ATXN2: variants seen among roughly 807,000 people sequenced by gnomAD.
ATXN2 encodes the protein ataxin-2.
Under a neutral mutation model 138.6 loss-of-function variants are expected in ATXN2, and 37 were observed. The ratio of observed to expected loss-of-function variants is 0.27; its 90% CI spans 0.21 to 0.35. The LOEUF (loss-of-function observed/expected upper bound fraction) is 0.35, where lower values mean the gene tolerates loss of function less well. ATXN2 is among the 10% of genes least tolerant of loss of function. The pLI is 1.00. For synonymous variants in ATXN2, 549 were observed against 543.7 expected (o/e 1.01, Z -0.13); for missense variants, 1,216 against 1,480.3 (o/e 0.82, Z 2.93).
At chr12:111,589,846 G>A (rs2135847425) in intron 1 of ATXN2, among the ~76,000 whole-genome samples, 1 of 152,128 alleles carries the variant, frequency 6.6e-6, no homozygotes, top group Non-Finnish European at 1.5e-5. Flanking sequence ...TTGGGCCTGA[G>A]AACTCGAGGT....
At position 111,464,335 on chromosome 12, in the gene ATXN2, T is replaced by TTGTGTG. The variant is rs375641693; in HGVS notation, c.2896+321_2896+326dup. 5.7e-3 allele frequency among the ~76,000 whole-genome samples: 598 copies of TTGTGTG among 105,826 alleles called. 3 individuals carry two copies. The highest frequency in any genetic ancestry group is 0.031 in the South Asian group (115 of 3,694). 69.4% of individuals were successfully genotyped at this position (105,826 alleles called of 152,430 possible). A position where few individuals can be genotyped will look rare whatever the true frequency, so the allele number is the denominator to read the frequency against. On this transcript the variant is annotated intron_variant, in intron 21 of 24. Transcript: ENST00000673436. ...AAGCTTGTGGCTTGGGTGTGTGTGT[T>TTGTGTG]TGTGTGTGTGTGTGTGTGTGTGTGT... is the stretch of plus-strand genomic sequence containing the variant.
At chr12:111,508,736 C>T (rs1298139951) in intron 14 of ATXN2, among the ~76,000 whole-genome samples, 2 of 152,066 alleles carry the variant, frequency 1.3e-5, no homozygotes, top group Admixed American at 6.6e-5. Context: ...TGTGAGCCAC[C>T]GTGCCCGCCA....
In ATXN2 at chr12:111,516,268, G is replaced by T; in HGVS notation, c.1261C>A (p.Pro421Thr). The T allele has an allele frequency of 6.3e-7, 1 of 1,574,888 alleles. No individual in the cohort carries two copies. The highest frequency in any genetic ancestry group is 2.0e-5 in the Admixed American group (1 of 50,038). The change falls in exon 10 of 25, where the codon CCT (proline) becomes ACT (threonine). Residue 421 changes from proline to threonine, a missense_variant. This residue lies in a region of ATXN2 where 401 missense variants were observed against 528.1 expected (regional missense o/e 0.76). Coordinates refer to ENST00000673436, the MANE Select transcript of ATXN2 (RefSeq NM_001372574.1). This position sits in a 1 kb window ranked among gnomAD's most constrained non-coding sequence, Gnocchi z 5.0. ...PNSLPPRAAT[P>T]TRPPSRPPSR... Reference sequence around the variant, plus strand: ...GGGGGCCTGGAGGGCGGCCGTGTAGGGGTGGCTGCCCGAGGTGGAAGAGAG... The same window carrying T: ...GGGGGCCTGGAGGGCGGCCGTGTAGTGGTGGCTGCCCGAGGTGGAAGAGAG...
At chr12:111,595,794 TCCTGC>T (rs1472561217) in intron 1 of ATXN2, among the ~76,000 whole-genome samples, 1 of 152,134 alleles carries the variant, frequency 6.6e-6, no homozygotes, top group Admixed American at 6.6e-5. Context: ...AGTGGCTCAT[TCCTGC>T]CTGTAATCCT....
intron 1 of ATXN2, among the ~76,000 whole-genome samples, chr12:111,560,059 T>C (rs968400882): frequency 6.6e-6 from 1 of 151,896 alleles, no homozygotes. Flanking sequence ...TGGAACAAAT[T>C]TCAAACACTG....
intron 1 of ATXN2, among the ~76,000 whole-genome samples, chr12:111,587,005 CAGG>C (rs942776473): frequency 6.9e-6 from 1 of 145,156 alleles, no homozygotes; most frequent in African/African-American, 2.5e-5. Flanking sequence ...GAGGCTAAAG[CAGG>C]AGGACAGTTT....
intron 3 of ATXN2, 102 bp downstream of exon 3, chr12:111,554,056 T>C: frequency 2.6e-6 from 2 of 772,132 alleles, no homozygotes; most frequent in South Asian, 1.8e-5. Context: ...AAACATGATC[T>C]AAGCAATGTT....
At chr12:111,486,114 G>T (rs1225372169) in intron 16 of ATXN2, among the ~76,000 whole-genome samples, 1 of 152,080 alleles carries the variant, frequency 6.6e-6, no homozygotes, top group African/African-American at 2.4e-5. Flanking sequence ...ACTGATGGAA[G>T]TGTTTTTAAA....
intron 5 of ATXN2, among the ~76,000 whole-genome samples, chr12:111,530,172 G>A (rs1880736098): frequency 6.6e-6 from 1 of 152,032 alleles, no homozygotes; most frequent in African/African-American, 2.4e-5. Context: ...GGTATCAGTG[G>A]GACTATTTAG....
intron 1 of ATXN2, among the ~76,000 whole-genome samples, chr12:111,562,332 G>A (rs1489279317): frequency 6.6e-6 from 1 of 152,012 alleles, no homozygotes; most frequent in Non-Finnish European, 1.5e-5. Context: ...ACAGATGGGA[G>A]GTTCACTTGA....
At chr12:111,562,013 A>AT (rs1882716573) in intron 1 of ATXN2, among the ~76,000 whole-genome samples, 1 of 151,708 alleles carries the variant, frequency 6.6e-6, no homozygotes, top group Non-Finnish European at 1.5e-5. Context: ...GGGTTTCACC[A>AT]TGTTAGCCAG....
chr12:111,452,703 A>T lies in ATXN2; in HGVS notation c.*109T>A. 8.1e-7 allele frequency: 1 copy of T among 1,232,322 alleles called. No homozygotes were observed. Among genetic ancestry groups the T allele is most frequent in the Non-Finnish European group, 1.2e-6 (1 of 838,230 alleles). 76.3% of individuals were successfully genotyped at this position (1,232,322 alleles called of 1,614,324 possible). On this transcript the variant is annotated 3_prime_UTR_variant, in exon 25 of 25. Coordinates refer to ENST00000673436, the MANE Select transcript of ATXN2 (RefSeq NM_001372574.1). ...ATTGGATGTTACAAGAAATCAACATATATATTTTAAAAACAAAATAAATGA... is the reference window on the plus strand; with the variant it reads ...ATTGGATGTTACAAGAAATCAACATTTATATTTTAAAAACAAAATAAATGA...
At position 111,516,347 on chromosome 12, in the gene ATXN2, C is replaced by T. The variant is rs757022978; in HGVS notation, c.1182G>A (p.Ser394=). 1.5e-5 allele frequency: 24 copies of T among 1,576,794 alleles called. No homozygotes were observed. Among genetic ancestry groups the T allele is most frequent in the Non-Finnish European group, 1.4e-5 (16 of 1,164,186 alleles). Residue 394 remains serine, a synonymous_variant, in exon 10 of 25, where the codon TCG becomes TCA. Transcript: ENST00000673436. The surrounding 1 kb of genome is among the most constrained non-coding windows in gnomAD (Gnocchi z 5.0). ...GGCGAGAGGAAGGAGATGGGCAAGGCGATGGCCAGGGAACACCTGACAGAA... is the reference window on the plus strand; with the variant it reads ...GGCGAGAGGAAGGAGATGGGCAAGGTGATGGCCAGGGAACACCTGACAGAA... ...RVVNGGVPWP[S]PCPSPSSRPP...
intron 1 of ATXN2, among the ~76,000 whole-genome samples, chr12:111,573,576 A>G (rs2135816979): frequency 6.6e-6 from 1 of 152,318 alleles, no homozygotes; most frequent in Middle Eastern, 3.4e-3. Flanking sequence ...AAAGACTTTG[A>G]AATCTCACAA....
rs1884427607 is a variant in ATXN2 at position 111,587,938 on chromosome 12, A to C, written c.251+10846T>G. 3.3e-5 allele frequency among the ~76,000 whole-genome samples: 5 copies of C among 152,146 alleles called. No homozygotes were observed. In the South Asian group the frequency reaches 8.3e-4, roughly 25 times the overall value. On this transcript the variant is annotated intron_variant, in intron 1 of 24. Coordinates refer to ENST00000673436, the MANE Select transcript of ATXN2 (RefSeq NM_001372574.1). ...CTGGACACAGTGGCTCACACCTGTA[A>C]CACCAGCATGTTAGGAGGCCTAAGT...
At chr12:111,469,902 AG>A (rs1876282559) in intron 20 of ATXN2, 1 of 523,614 alleles carries the variant, frequency 1.9e-6, no homozygotes, top group Non-Finnish European at 3.3e-6. Context: ...AGCAGGAAAG[AG>A]ATCTGAAGAC....
At chr12:111,477,756 CTTTT>C (rs78144501) in intron 18 of ATXN2, among the ~76,000 whole-genome samples, 1 of 151,680 alleles carries the variant, frequency 6.6e-6, no homozygotes, top group Non-Finnish European at 1.5e-5. Flanking sequence ...AGAAACATGA[CTTTT>C]TTTTCTTTTT....
intron 23 of ATXN2, chr12:111,455,013 C>T: frequency 1.4e-6 from 1 of 702,726 alleles, no homozygotes; most frequent in African/African-American, 1.7e-5. Flanking sequence ...TGAGGACGCC[C>T]AAACTTCCCA....
rs901183152 is a variant in ATXN2, at chr12:111,452,534, A to C, written c.*278T>G. 1.1e-5 allele frequency: 4 copies of C among 371,086 alleles called. No individual in the cohort carries two copies. Among genetic ancestry groups the C allele is most frequent in the African/African-American group, 8.3e-5 (4 of 47,962 alleles). The allele number at this position is 371,086 out of a possible 1,614,324, so 23.0% of individuals were successfully genotyped here. A position where few individuals can be genotyped will look rare whatever the true frequency, so the allele number is the denominator to read the frequency against. The stretch of plus-strand genomic sequence containing the variant: ...GACTTTCAAGGGTTATTAAAAAATA[A>C]ATAACTTCCAGTTTCGGCAAGCAGA... On this transcript the variant is annotated 3_prime_UTR_variant, in exon 25 of 25. Coordinates refer to ENST00000673436, the MANE Select transcript of ATXN2 (RefSeq NM_001372574.1).
Sources: gnomAD v4.1 joint callset for allele counts (sites outside exome capture counted in the v4.1 genomes callset) on GRCh38, gnomAD v4.1.1 for gene constraint, gnomAD v4.1.1 regional missense constraint, Gnocchi (gnomAD v3.1) non-coding constraint, MANE v1.5 for transcripts, NCBI Gene and HGNC (gene_info 2026-07-23, HGNC 2026-07-21) for gene names.